Variants in CERS6 observed in about 807,000 individuals in gnomAD.
CERS6 encodes the protein LAG1 homolog, ceramide synthase 6.
Under a neutral mutation model 56.8 loss-of-function variants are expected in CERS6, and 26 were observed. The ratio of observed to expected loss-of-function variants is 0.46; its 90% confidence interval spans 0.34 to 0.63. CERS6 has a LOEUF of 0.63. CERS6 is among the 30% of genes least tolerant of loss of function. The pLI, the probability that CERS6 is intolerant of heterozygous loss-of-function variation, is 0.01. For synonymous variants in CERS6, 164 were observed against 173.3 expected, an observed-to-expected ratio of 0.95 and a Z score of 0.42; for missense variants, 415 against 467.5, an observed-to-expected ratio of 0.89 and a Z score of 1.04.
Position 168,766,242 on chromosome 2 carries a change from T to G in CERS6, c.1002+494T>G. ...CCTAAGCCTCAGCCCCAACCCTGTGTGTAGAGCAGAGACTTTTCCAGATCA... is the reference window on the plus strand; with the variant it reads ...CCTAAGCCTCAGCCCCAACCCTGTGGGTAGAGCAGAGACTTTTCCAGATCA... On this transcript the variant is annotated intron_variant, in intron 9 of 9. Coordinates refer to ENST00000305747, the MANE Select transcript of CERS6 (RefSeq NM_203463.3). The G allele has an allele frequency of 3.8e-6, 5 of 1,330,420 alleles. No individual in the cohort carries two copies. In the East Asian group the frequency reaches 1.1e-4, roughly 31 times the overall value. The allele number at this position is 1,330,420 out of a possible 1,614,324, so 82.4% of individuals were successfully genotyped here.
chr2:168,766,211 A>C, intron 9 of CERS6: 1 of 953,334 alleles, frequency 1.0e-6, no homozygotes, highest in Non-Finnish European at 1.7e-6. Flanking sequence ...GATTCGAATA[A>C]AGCTTCCTAA....
At chr2:168,534,596 C>G (rs1695225966) in intron 1 of CERS6, among the ~76,000 whole-genome samples, 1 of 152,152 alleles carries the variant, frequency 6.6e-6, no homozygotes. Flanking sequence ...GGATGGGTGC[C>G]TGCTCCTTCT....
chr2:168,462,977 A>G (rs1693804593), intron 1 of CERS6, among the ~76,000 whole-genome samples: 1 of 152,230 alleles, frequency 6.6e-6, no homozygotes, highest in Non-Finnish European at 1.5e-5. Flanking sequence ...ATTTTTAATG[A>G]ACAACTTTTA....
chr2:168,457,632 G>C (rs1693697324), intron 1 of CERS6, among the ~76,000 whole-genome samples: 1 of 152,032 alleles, frequency 6.6e-6, no homozygotes, highest in Non-Finnish European at 1.5e-5. Flanking sequence ...GAATTTCTTA[G>C]ATCACAAAGT....
At chr2:168,507,408 G>A (rs573148181) in intron 1 of CERS6, among the ~76,000 whole-genome samples, 8 of 151,972 alleles carry the variant, frequency 5.3e-5, no homozygotes, top group Non-Finnish European at 7.4e-5. Context: ...GTTTTAAAGC[G>A]CATAGGCCTT....
chr2:168,630,583 T>G (rs1287447448), intron 3 of CERS6, among the ~76,000 whole-genome samples: 1 of 152,130 alleles, frequency 6.6e-6, no homozygotes, highest in Non-Finnish European at 1.5e-5. Context: ...ATATTAACTC[T>G]TTTAAAACAA....
At position 168,716,469 on chromosome 2, in the gene CERS6, A is replaced by G. The variant is rs138924079; in HGVS notation, c.738+1340A>G. The stretch of plus-strand genomic sequence containing the variant: ...TTCTAATCAAGTTCCACTTGTATCC[A>G]GAAAAAAAAATTCAGAAATCTCAGT... On this transcript the variant is annotated intron_variant, in intron 7 of 9. Transcript: ENST00000305747. 6.1e-3 allele frequency among the ~76,000 whole-genome samples: 933 copies of G among 152,234 alleles called. 10 individuals are homozygous for G. Among genetic ancestry groups the G allele is most frequent in the African/African-American group, 0.02 (839 of 41,570 alleles).
chr2:168,552,402 AACAC>A (rs1695592533), intron 2 of CERS6, among the ~76,000 whole-genome samples: 1 of 149,964 alleles, frequency 6.7e-6, no homozygotes, highest in Non-Finnish European at 1.5e-5. Flanking sequence ...TACACACACA[AACAC>A]AGAGAAAGAA....
chr2:168,542,367 A>G (rs1574054014), intron 1 of CERS6, among the ~76,000 whole-genome samples: 1 of 152,280 alleles, frequency 6.6e-6, no homozygotes. Context: ...GGCTTTTGAC[A>G]TTGATACAAT....
chr2:168,723,031 G>A (rs1464206864), intron 8 of CERS6, among the ~76,000 whole-genome samples: 1 of 152,102 alleles, frequency 6.6e-6, no homozygotes, highest in Admixed American at 6.5e-5. Flanking sequence ...CCTGTTTAAT[G>A]ACCCTATTTT....
At chr2:168,593,410 A>G (rs1390556625) in intron 3 of CERS6, among the ~76,000 whole-genome samples, 1 of 152,150 alleles carries the variant, frequency 6.6e-6, no homozygotes, top group Non-Finnish European at 1.5e-5. Context: ...TGGAAACCGC[A>G]GTTTTCTTGA....
At chr2:168,694,849 G>C in intron 5 of CERS6, 110 bp from the exon 6 acceptor site, 1 of 777,784 alleles carries the variant, frequency 1.3e-6, no homozygotes, top group South Asian at 1.6e-5. Context: ...AACTGCCTTT[G>C]TGCAGGTGCA....
intron 1 of CERS6, among the ~76,000 whole-genome samples, chr2:168,503,928 AG>A (rs1326153365): frequency 2.0e-5 from 3 of 152,204 alleles, no homozygotes; most frequent in Admixed American, 6.5e-5. Context: ...GCTGTTTCTT[AG>A]GGGTCTGGAG....
intron 1 of CERS6, among the ~76,000 whole-genome samples, chr2:168,518,189 G>C (rs925092104): frequency 4.6e-5 from 7 of 152,124 alleles, no homozygotes; most frequent in Non-Finnish European, 7.4e-5. Flanking sequence ...CTGTAAAATC[G>C]AGCTGGCTCT....
chr2:168,694,189 CTT>C (rs1438806035), intron 5 of CERS6, among the ~76,000 whole-genome samples: 1 of 152,128 alleles, frequency 6.6e-6, no homozygotes, highest in Admixed American at 6.5e-5. Flanking sequence ...TGAAAACTCT[CTT>C]GTTTTTAGTG....
At chr2:168,739,052 ATTTTTTTTTTT>A (rs59967315) in intron 8 of CERS6, among the ~76,000 whole-genome samples, 100 of 87,652 alleles carry the variant, frequency 1.1e-3, no homozygotes, top group African/African-American at 4.3e-3. Context: ...CACCCGGCTA[ATTTTTTTTTTT>A]TTTTTTTTTT....
rs1684172066 is a variant in CERS6 at position 168,748,467 on chromosome 2, T to C, written c.846-17125T>C. Among the ~76,000 whole-genome samples, 3 of 152,320 alleles carry C rather than the reference T, an allele frequency of 2.0e-5. No homozygotes were observed. In the South Asian group the frequency reaches 6.2e-4, roughly 32 times the overall value. On this transcript the variant is annotated intron_variant, in intron 8 of 9. Transcript: ENST00000305747. The stretch of plus-strand genomic sequence containing the variant: ...TATTGGAAAAATAATTTTTACTAAA[T>C]AAAACCACCATCTCTAAAGCCACAA...
chr2:168,553,173 A>G (rs1004471219), intron 2 of CERS6, among the ~76,000 whole-genome samples: 4 of 152,154 alleles, frequency 2.6e-5, no homozygotes, highest in African/African-American at 9.7e-5. Flanking sequence ...TGGAAGATAG[A>G]AAGAATAAAA....
intron 4 of CERS6, among the ~76,000 whole-genome samples, chr2:168,670,131 T>C (rs1259872543): frequency 3.3e-5 from 5 of 152,218 alleles, no homozygotes; most frequent in Non-Finnish European, 7.3e-5. Context: ...CTTGCTCTTT[T>C]TGACTTCATA....
Sources: allele counts gnomAD v4.1 joint callset (sites outside exome capture counted in the v4.1 genomes callset), GRCh38; gene constraint gnomAD v4.1.1; transcripts MANE v1.5; gene names NCBI Gene and HGNC (gene_info 2026-07-23, HGNC 2026-07-21).